The following SPATA18 variants were observed in gnomAD, a reference collection of about 807,000 sequenced individuals.
The protein encoded by SPATA18 is spermatogenesis associated 18.
Under a neutral mutation model 68.1 loss-of-function variants are expected in SPATA18, and 54 were observed. That is an observed-to-expected ratio of 0.79 (90% CI 0.64 to 0.99). SPATA18 has a LOEUF of 0.99. Ranked by LOEUF, SPATA18 falls within the 50% of genes least tolerant of loss-of-function variation. SPATA18 has a pLI of 0.00. For missense variants in SPATA18, 724 were observed against 681.1 expected (o/e 1.06, Z -0.70); for synonymous variants, 242 against 244.8 (o/e 0.99, Z 0.11).
intron 1 of SPATA18, among the ~76,000 whole-genome samples, chr4:52,058,375 C>T (rs1223198065): frequency 6.6e-6 from 1 of 152,136 alleles, no homozygotes; most frequent in Non-Finnish European, 1.5e-5. Context: ...CAGAATTAGT[C>T]ATCAGGTACC....
intron 1 of SPATA18, among the ~76,000 whole-genome samples, chr4:52,059,855 G>A (rs186491442): frequency 2.6e-5 from 4 of 152,304 alleles, no homozygotes; most frequent in African/African-American, 7.2e-5. Context: ...AATAAAGCAG[G>A]TAAATTCGGC....
chr4:52,076,996 G>C lies in SPATA18; in HGVS notation c.976G>C (p.Asp326His), dbSNP rs748544911. ...GCAGTGCCTGCTGCGGCGCTGCATC[G>C]ACAAGGCTGAGACCGTTCAGCGGAT... ...DAQCLLRRCI[D>H]KAETVQRIIY... is the part of the protein sequence containing the mutation. The change falls in exon 7 of 13, where the codon GAC (aspartate) becomes CAC (histidine). Residue 326 changes from aspartate (D) to histidine (H), a missense_variant. Transcript: ENST00000295213. 1.4e-5 allele frequency: 23 copies of C among 1,612,192 alleles called. No homozygotes were observed. In the South Asian group the frequency reaches 2.1e-4, roughly 15 times the overall value.
Position 52,079,927 on chromosome 4 carries a change from A to T in SPATA18, c.1355+8A>T. On this transcript the variant is annotated splice_region_variant and intron_variant, in intron 9 of 12. Transcript: ENST00000295213. ...AGTTTTTAATGATTGCAAGTAAGAG[A>T]CACAGGAGCAGAAGCTAAGGGATTT... The T allele has an allele frequency of 1.2e-6, 2 of 1,609,326 alleles. No homozygotes were observed. The highest frequency in any genetic ancestry group is 1.7e-6 in the Non-Finnish European group (2 of 1,177,978).
intron 11 of SPATA18, among the ~76,000 whole-genome samples, chr4:52,088,768 T>A (rs10026620): frequency 0.17 from 26,606 of 152,054 alleles, 2,420 homozygotes; most frequent in South Asian, 0.29. Context: ...CTCTGCCAGG[T>A]TTTGGTGTCA....
chr4:52,055,631 A>G (rs1054331547), intron 1 of SPATA18, among the ~76,000 whole-genome samples: 14 of 151,984 alleles, frequency 9.2e-5, no homozygotes, highest in Admixed American at 5.2e-4. Flanking sequence ...GTGGTTATCA[A>G]TCTTCATTGC....
intron 9 of SPATA18, among the ~76,000 whole-genome samples, chr4:52,081,067 A>T (rs1208176014): frequency 6.6e-6 from 1 of 152,168 alleles, no homozygotes; most frequent in East Asian, 1.9e-4. Context: ...AGGACATTAC[A>T]CTGCAGTTGG....
intron 1 of SPATA18, among the ~76,000 whole-genome samples, chr4:52,058,435 A>G (rs1311653093): frequency 6.6e-6 from 1 of 152,194 alleles, no homozygotes; most frequent in African/African-American, 2.4e-5. Flanking sequence ...TTACAAGTCC[A>G]TCCCATCCAA....
At chr4:52,079,702 TCACA>T in intron 8 of SPATA18, 38 bp from the exon 9 acceptor site, 1 of 1,603,898 alleles carries the variant, frequency 6.2e-7, no homozygotes, top group Admixed American at 1.7e-5. Context: ...AGTGTTTTTG[TCACA>T]GGCTGGTAAC....
chr4:52,087,932 T>G (rs58121697), intron 11 of SPATA18, among the ~76,000 whole-genome samples: 6,807 of 152,170 alleles, frequency 0.045, 416 homozygotes, highest in African/African-American at 0.14. Context: ...TATTTGTGTC[T>G]TCTCTGATTT....
Position 52,065,408 on chromosome 4 carries a change from C to T in SPATA18, c.422+3076C>T, listed in dbSNP as rs76968254. ...AGAGTTTCTGGTGTTATCTTCTAGA[C>T]TGTTTGTGGTTTCAGCTCTTAGATA... On this transcript the variant is annotated intron_variant, in intron 4 of 12. Coordinates refer to ENST00000295213, the MANE Select transcript of SPATA18 (RefSeq NM_145263.4). Among the ~76,000 whole-genome samples, 35 of 152,164 alleles carry T rather than the reference C, an allele frequency of 2.3e-4. No individual in the cohort carries two copies. In the East Asian group the frequency reaches 6.8e-3, roughly 29 times the overall value.
chr4:52,082,365 T>G (rs746576454), intron 9 of SPATA18, 22 bp from the exon 10 acceptor site: 1 of 1,605,670 alleles, frequency 6.2e-7, no homozygotes, highest in Non-Finnish European at 8.5e-7. Flanking sequence ...CTTCTCTTTC[T>G]TTTTTTGTAT....
intron 9 of SPATA18, among the ~76,000 whole-genome samples, chr4:52,080,897 G>A (rs1257491956): frequency 6.6e-6 from 1 of 152,172 alleles, no homozygotes; most frequent in African/African-American, 2.4e-5. Context: ...GTTGATGAGG[G>A]AGGATGGATA....
At chr4:52,073,968 A>G (rs1399558523) in intron 6 of SPATA18, among the ~76,000 whole-genome samples, 2 of 152,206 alleles carry the variant, frequency 1.3e-5, no homozygotes, top group African/African-American at 2.4e-5. Flanking sequence ...AGACTTTTCT[A>G]GCAACGATAG....
chr4:52,051,656 C>G lies in SPATA18; in HGVS notation c.-49C>G, dbSNP rs535443261. 2 of 1,573,914 alleles carry G rather than the reference C, an allele frequency of 1.3e-6. No individual in the cohort carries two copies. The highest frequency in any genetic ancestry group is 1.7e-6 in the Non-Finnish European group (2 of 1,143,524). On this transcript the variant is annotated 5_prime_UTR_variant, in exon 1 of 13. Transcript: ENST00000295213. ...GGTCCTGCGGAGGCCACCGCCTGGT[C>G]CCCCCAAGTCTCCATCGCGCAGCGT...
In SPATA18 at chr4:52,060,873, T is replaced by C; in HGVS notation, c.285T>C (p.Val95=). Residue 95 remains valine (V), a synonymous_variant, in exon 3 of 13, where the codon GTT becomes GTC. Coordinates refer to ENST00000295213, the MANE Select transcript of SPATA18 (RefSeq NM_145263.4). ...CTGCTGCTTCCCTGGGAAAATCTGTTGACAGCAAGGTCCCCTCTCTGCAGG... is the reference window on the plus strand; with the variant it reads ...CTGCTGCTTCCCTGGGAAAATCTGTCGACAGCAAGGTCCCCTCTCTGCAGG... The part of the protein sequence containing the change: ...SFTAASLGKS[V]DSKVPSLQDT... 6.2e-7 allele frequency: 1 copy of C among 1,613,910 alleles called. No individual in the cohort carries two copies. Among genetic ancestry groups the C allele is most frequent in the Non-Finnish European group, 8.5e-7 (1 of 1,179,906 alleles).
chr4:52,060,797 G>C lies in SPATA18; in HGVS notation c.209G>C (p.Gly70Ala), dbSNP rs764662108. 1 of 1,613,974 alleles carries C rather than the reference G, an allele frequency of 6.2e-7. No homozygotes were observed. The highest frequency in any genetic ancestry group is 1.7e-5 in the Admixed American group (1 of 59,998). Reference protein sequence around the residue: ...AAAQEGGRNDGVETIKSRLLP... With the variant: ...AAAQEGGRNDAVETIKSRLLP... ...AACATTTTAGGAGGACGTAATGATG[G>C]TGTGGAAACAATCAAGTCACGCCTT... The change falls in exon 3 of 13, where the codon GGT becomes GCT. Residue 70 changes from glycine to alanine, a missense_variant. Physicochemically the swap from Gly to Ala is moderately conservative, Grantham distance 60. Coordinates refer to ENST00000295213, the MANE Select transcript of SPATA18 (RefSeq NM_145263.4).
intron 3 of SPATA18, 62 bp downstream of exon 3, chr4:52,060,959 C>A: frequency 7.5e-7 from 1 of 1,337,052 alleles, no homozygotes; most frequent in Non-Finnish European, 1.1e-6. Context: ...AATCAGAAAC[C>A]TCCAAGAGAA....
intron 11 of SPATA18, among the ~76,000 whole-genome samples, chr4:52,094,264 T>G (rs1742236399): frequency 6.6e-6 from 1 of 152,208 alleles, no homozygotes; most frequent in African/African-American, 2.4e-5. Flanking sequence ...TAATAAATAT[T>G]TTTATTTTCT....
chr4:52,066,693 C>G (rs1046145659), intron 4 of SPATA18, among the ~76,000 whole-genome samples: 1 of 152,038 alleles, frequency 6.6e-6, no homozygotes. Flanking sequence ...TGTATTGTTC[C>G]CCTCCCTGTG....
Sources: allele counts gnomAD v4.1 joint callset (sites outside exome capture counted in the v4.1 genomes callset), GRCh38; gene constraint gnomAD v4.1.1; transcripts MANE v1.5; gene names NCBI Gene and HGNC (gene_info 2026-07-23, HGNC 2026-07-21).